ZNF101: variants seen among roughly 807,000 people sequenced by gnomAD.
ZNF101 encodes zinc finger protein 101 (Y2).
ZNF101 carries 34 observed loss-of-function variants against 42.6 expected under a neutral mutation model. The observed-to-expected ratio is 0.80, with a 90% confidence interval of 0.61 to 1.06. The LOEUF (loss-of-function observed/expected upper bound fraction) is 1.06. ZNF101 is among the 50% of genes least tolerant of loss of function. The pLI, the probability that ZNF101 is intolerant of heterozygous loss-of-function variation, is 0.00. For missense variants in ZNF101, 466 were observed against 530.9 expected (o/e 0.88, Z 1.20); for synonymous variants, 158 against 183.9 (o/e 0.86, Z 1.14).
At position 19,679,277 on chromosome 19, in the gene ZNF101, A is replaced by G; in HGVS notation, c.288A>G (p.Gln96=). The G allele has an allele frequency of 1.2e-6, 2 of 1,614,226 alleles. No homozygotes were observed. The highest frequency in any genetic ancestry group is 1.7e-6 in the Non-Finnish European group (2 of 1,180,050). ...IPDCHLNKKS[Q]TGVKPCKCSV... ...ATTGTCACCTGAACAAGAAAAGTCA[A>G]ACTGGAGTGAAACCATGCAAATGCA... The change falls in exon 4 of 4, where the codon CAA becomes CAG. Residue 96 remains glutamine (Q), a synonymous_variant. Coordinates refer to ENST00000592502, the MANE Select transcript of ZNF101 (RefSeq NM_033204.4).
chr19:19,670,221 C>G (rs762611752), intron 1 of ZNF101, among the ~76,000 whole-genome samples: 2 of 152,160 alleles, frequency 1.3e-5, no homozygotes, highest in Non-Finnish European at 2.9e-5. Flanking sequence ...GGATTCCCTG[C>G]TGGCCCTTGG....
upstream of ZNF101, among the ~76,000 whole-genome samples, chr19:19,668,217 A>G (rs1253490419): frequency 6.6e-6 from 1 of 152,118 alleles, no homozygotes; most frequent in African/African-American, 2.4e-5. Context: ...AGTAAGTTTT[A>G]TTAACCTGCT....
intron 1 of ZNF101, among the ~76,000 whole-genome samples, chr19:19,674,719 T>C (rs78975354): frequency 0.023 from 3,496 of 152,170 alleles, 52 homozygotes; most frequent in South Asian, 0.04. Flanking sequence ...TTTGGAAGAG[T>C]TTGAGGAGGA....
At chr19:19,677,587 C>A in intron 1 of ZNF101, 1 of 319,710 alleles carries the variant, frequency 3.1e-6, no homozygotes, top group East Asian at 7.9e-5. Flanking sequence ...GAGATTCACT[C>A]TGCAAAGAGC....
At position 19,668,979 on chromosome 19, in the gene ZNF101, A is replaced by G. The variant is rs995799103; in HGVS notation, c.3+13A>G. 31 of 1,586,034 alleles carry G rather than the reference A, an allele frequency of 2.0e-5. No homozygotes were observed. The highest frequency in any genetic ancestry group is 2.1e-5 in the Non-Finnish European group (25 of 1,167,218). On this transcript the variant is annotated intron_variant, in intron 1 of 3. Transcript: ENST00000592502. ...GAAGCCGGAAATGGTGAGCGTGCGG[A>G]GCCGGGCGTCCGGAGACCTGAGGAG... is the stretch of plus-strand genomic sequence containing the variant.
chr19:19,668,954 G>A lies in ZNF101; in HGVS notation c.-10G>A. 1 of 1,589,680 alleles carries A rather than the reference G, an allele frequency of 6.3e-7. No homozygotes were observed. Among genetic ancestry groups the A allele is most frequent in the South Asian group, 1.1e-5 (1 of 87,668 alleles). On this transcript the variant is annotated 5_prime_UTR_variant, in exon 1 of 4. Transcript: ENST00000592502. ...CCCCAGGAAGGACCCAGGACACCCG[G>A]AAGCCGGAAATGGTGAGCGTGCGGA...
intron 1 of ZNF101, 27 bp downstream of exon 1, chr19:19,668,993 A>T: frequency 6.3e-7 from 1 of 1,577,902 alleles, no homozygotes. Context: ...GGGCGTCCGG[A>T]GACCTGAGGA....
chr19:19,679,587 A>C lies in ZNF101; in HGVS notation c.598A>C (p.Arg200=). The C allele has an allele frequency of 6.2e-7, 1 of 1,614,068 alleles. No individual in the cohort carries two copies. Among genetic ancestry groups the C allele is most frequent in the Non-Finnish European group, 8.5e-7 (1 of 1,179,990 alleles). ...CACTGGAAAGAGGTCCTATAAATGT[A>C]GGGAAATAGTGAGAGCCTTCACAGT... ...THTGKRSYKC[R]EIVRAFTVSS... Residue 200 remains arginine, a synonymous_variant, in exon 4 of 4, where the codon AGG becomes CGG. Transcript: ENST00000592502.
Position 19,668,926 on chromosome 19 carries a change from C to CA in ZNF101, c.-37dup. On this transcript the variant is annotated 5_prime_UTR_variant, in exon 1 of 4. Transcript: ENST00000592502. ...CGTGTGGGACCTGTTCTGGCTGCTCCAGCCCCAGGAAGGACCCAGGACACC... is the reference window on the plus strand; with the variant it reads ...CGTGTGGGACCTGTTCTGGCTGCTCCAAGCCCCAGGAAGGACCCAGGACACC... 1 of 1,577,606 alleles carries CA rather than the reference C, an allele frequency of 6.3e-7. No homozygotes were observed. The highest frequency in any genetic ancestry group is 8.6e-7 in the Non-Finnish European group (1 of 1,162,174).
At chr19:19,675,353 G>A (rs1412306402) in intron 1 of ZNF101, among the ~76,000 whole-genome samples, 3 of 150,332 alleles carry the variant, frequency 2.0e-5, no homozygotes, top group Non-Finnish European at 4.4e-5. Flanking sequence ...TGGCTAGCCT[G>A]TCTCGAACTC....
chr19:19,669,892 C>T (rs1381068186), intron 1 of ZNF101, among the ~76,000 whole-genome samples: 1 of 152,026 alleles, frequency 6.6e-6, no homozygotes, highest in Non-Finnish European at 1.5e-5. Context: ...CAGAAAATAA[C>T]CCCCTGACAC....
chr19:19,671,782 A>C (rs2062172183), intron 1 of ZNF101, among the ~76,000 whole-genome samples: 1 of 152,128 alleles, frequency 6.6e-6, no homozygotes, highest in Non-Finnish European at 1.5e-5. Context: ...TACAGGCGTG[A>C]GCCCCCGTGC....
chr19:19,671,929 A>G (rs1482123675), intron 1 of ZNF101, among the ~76,000 whole-genome samples: 1 of 151,952 alleles, frequency 6.6e-6, no homozygotes, highest in Admixed American at 6.6e-5. Flanking sequence ...ACAGCAATTC[A>G]AGATGAACTG....
chr19:19,671,083 C>T (rs769303962), intron 1 of ZNF101, among the ~76,000 whole-genome samples: 1 of 151,976 alleles, frequency 6.6e-6, no homozygotes, highest in Non-Finnish European at 1.5e-5. Context: ...CTCCAGCCTG[C>T]GCGACAGAGC....
At chr19:19,670,455 T>C (rs963267788) in intron 1 of ZNF101, among the ~76,000 whole-genome samples, 1 of 152,204 alleles carries the variant, frequency 6.6e-6, no homozygotes, top group Non-Finnish European at 1.5e-5. Flanking sequence ...CCCAGTCTGC[T>C]CTGGAAGTCA....
intron 1 of ZNF101, among the ~76,000 whole-genome samples, chr19:19,669,748 G>T (rs1038756340): frequency 6.6e-6 from 1 of 152,166 alleles, no homozygotes; most frequent in Non-Finnish European, 1.5e-5. Context: ...CTCCCAAAGT[G>T]CTGGGATTAC....
upstream of ZNF101, chr19:19,668,823 T>C: frequency 8.8e-7 from 1 of 1,136,442 alleles, no homozygotes; most frequent in Non-Finnish European, 1.2e-6. Flanking sequence ...GCGGTCTCAT[T>C]TCCCGCCGGC....
intron 2 of ZNF101, 67 bp downstream of exon 2, chr19:19,678,057 C>T: frequency 6.3e-7 from 1 of 1,577,004 alleles, no homozygotes; most frequent in Non-Finnish European, 8.6e-7. Flanking sequence ...AGTGTGGTTG[C>T]ACAGTTTGGA....
At chr19:19,668,821 A>G (rs559944377), upstream of ZNF101, 17 of 1,115,940 alleles carry the variant, frequency 1.5e-5, no homozygotes, top group East Asian at 3.0e-5. Context: ...AAGCGGTCTC[A>G]TTTCCCGCCG....
Sources: gnomAD v4.1 joint callset for allele counts (sites outside exome capture counted in the v4.1 genomes callset) on GRCh38, gnomAD v4.1.1 for gene constraint, MANE v1.5 for transcripts, NCBI Gene and HGNC (gene_info 2026-07-23, HGNC 2026-07-21) for gene names.